Variants in ABTB3 observed in about 807,000 individuals in gnomAD.
ABTB3 encodes ankyrin repeat- and BTB/POZ domain-containing protein 3.
the ABTB3 span, among the ~76,000 whole-genome samples, chr12:107,630,827 C>A: frequency 1.3e-5 from 2 of 152,186 alleles, no homozygotes; most frequent in Admixed American, 6.5e-5. Flanking sequence ...CCCTCACTCA[C>A]TTTTCCCTAT....
chr12:107,556,575 G>A, the ABTB3 span, among the ~76,000 whole-genome samples: 2 of 152,208 alleles, frequency 1.3e-5, no homozygotes, highest in Non-Finnish European at 2.9e-5. Context: ...TATAGAGAGA[G>A]GGCAGAAGAG....
chr12:107,344,443 G>T, the ABTB3 span, among the ~76,000 whole-genome samples: 1 of 152,178 alleles, frequency 6.6e-6, no homozygotes, highest in East Asian at 1.9e-4. Flanking sequence ...TGTGTTTCAG[G>T]CAGAGTAAGT....
chr12:107,432,674 A>G, the ABTB3 span, among the ~76,000 whole-genome samples: 1 of 152,238 alleles, frequency 6.6e-6, no homozygotes, highest in Non-Finnish European at 1.5e-5. Context: ...AGTGAACAAC[A>G]GTGCAGGTCA....
the ABTB3 span, among the ~76,000 whole-genome samples, chr12:107,534,727 C>G: frequency 6.6e-6 from 1 of 152,128 alleles, no homozygotes; most frequent in African/African-American, 2.4e-5. Flanking sequence ...TACCACCTAC[C>G]AAGATTGGAC....
the ABTB3 span, among the ~76,000 whole-genome samples, chr12:107,648,940 G>C: frequency 6.6e-6 from 1 of 152,012 alleles, no homozygotes; most frequent in East Asian, 1.9e-4. Context: ...TGGTCTTGGG[G>C]GTGGGCATGG....
At chr12:107,436,079 A>G in the ABTB3 span, among the ~76,000 whole-genome samples, 1 of 152,242 alleles carries the variant, frequency 6.6e-6, no homozygotes, top group Non-Finnish European at 1.5e-5. Context: ...CCTCAAAAAT[A>G]GAACCCACTG....
At chr12:107,325,969 A>C in the ABTB3 span, among the ~76,000 whole-genome samples, 2 of 152,186 alleles carry the variant, frequency 1.3e-5, no homozygotes, top group African/African-American at 4.8e-5. Context: ...GCAATGGTGC[A>C]ATCTCAGCTC....
chr12:107,461,054 T>C, the ABTB3 span, among the ~76,000 whole-genome samples: 1 of 152,118 alleles, frequency 6.6e-6, no homozygotes, highest in African/African-American at 2.4e-5. Flanking sequence ...CTCACAATCA[T>C]GGCAGAAGGC....
At chr12:107,419,378 A>T in the ABTB3 span, among the ~76,000 whole-genome samples, 3 of 152,140 alleles carry the variant, frequency 2.0e-5, no homozygotes, top group Non-Finnish European at 4.4e-5. Context: ...TCCTTCCATG[A>T]TCTGGCCTCT....
At chr12:107,494,622 C>T in the ABTB3 span, among the ~76,000 whole-genome samples, 1 of 152,206 alleles carries the variant, frequency 6.6e-6, no homozygotes, top group Non-Finnish European at 1.5e-5. Context: ...GCAACCCTGC[C>T]TCTGGCTCTC....
chr12:107,383,941 A>G, the ABTB3 span, among the ~76,000 whole-genome samples: 1 of 152,294 alleles, frequency 6.6e-6, no homozygotes, highest in African/African-American at 2.4e-5. Context: ...GAACAGCAAG[A>G]CAGCACCCAT....
the ABTB3 span, among the ~76,000 whole-genome samples, chr12:107,597,591 G>A: frequency 1.4e-4 from 22 of 152,244 alleles, 1 homozygote; most frequent in East Asian, 4.1e-3. Flanking sequence ...TACCACAATA[G>A]CAATTAAATT....
chr12:107,647,080 G>A, the ABTB3 span, among the ~76,000 whole-genome samples: 1 of 152,192 alleles, frequency 6.6e-6, no homozygotes, highest in Non-Finnish European at 1.5e-5. Flanking sequence ...TGTAATCCCA[G>A]TGCTTTGGAA....
the ABTB3 span, among the ~76,000 whole-genome samples, chr12:107,406,039 T>C: frequency 6.6e-6 from 1 of 152,332 alleles, no homozygotes; most frequent in South Asian, 2.1e-4. Flanking sequence ...GTTGTACTCC[T>C]GGGTTCTAGT....
At chr12:107,495,202 G>A in the ABTB3 span, among the ~76,000 whole-genome samples, 2 of 152,194 alleles carry the variant, frequency 1.3e-5, no homozygotes, top group Non-Finnish European at 2.9e-5. Flanking sequence ...ACTTGCAGCT[G>A]GAGTCGTTAC....
the ABTB3 span, among the ~76,000 whole-genome samples, chr12:107,613,025 G>A: frequency 6.6e-6 from 1 of 152,212 alleles, no homozygotes; most frequent in Non-Finnish European, 1.5e-5. Context: ...TGGCCCTGGT[G>A]AGACCACCTG....
chr12:107,452,610 G>C, the ABTB3 span, among the ~76,000 whole-genome samples: 3 of 152,192 alleles, frequency 2.0e-5, no homozygotes, highest in East Asian at 3.9e-4. Flanking sequence ...CGGGCCAAGG[G>C]GGGTGGATCA....
At chr12:107,347,204 C>G in the ABTB3 span, among the ~76,000 whole-genome samples, 2 of 152,110 alleles carry the variant, frequency 1.3e-5, no homozygotes, top group African/African-American at 2.4e-5. Flanking sequence ...TAGTGCAAAC[C>G]AATTACATTC....
At chr12:107,513,766 A>G in the ABTB3 span, among the ~76,000 whole-genome samples, 1 of 152,214 alleles carries the variant, frequency 6.6e-6, no homozygotes, top group Non-Finnish European at 1.5e-5. Context: ...CATCCTATAC[A>G]TCTAGAAAAG....
Sources: gnomAD v4.1 joint callset for allele counts (sites outside exome capture counted in the v4.1 genomes callset) on GRCh38, gnomAD v4.1.1 for gene constraint, MANE v1.5 for transcripts, NCBI Gene and HGNC (gene_info 2026-07-23, HGNC 2026-07-21) for gene names.